The following TNS1 variants were observed in gnomAD, a reference collection of about 807,000 sequenced individuals.
TNS1 encodes tensin 1.
Under a neutral mutation model 168.6 loss-of-function variants are expected in TNS1, and 62 were observed. The observed-to-expected ratio is 0.37, with a 90% CI of 0.30 to 0.45. The LOEUF (loss-of-function observed/expected upper bound fraction) is 0.45, where lower values mean the gene tolerates loss of function less well. Among genes scored for constraint, TNS1 ranks in the 20% least tolerant of loss-of-function variants. The pLI is 1.00. For missense variants in TNS1, 2,240 were observed against 2,339.4 expected, an observed-to-expected ratio of 0.96 and a Z score of 0.88; for synonymous variants, 934 against 933.2, an observed-to-expected ratio of 1.00 and a Z score of -0.02.
chr2:217,990,519 C>T (rs538192449), intron 2 of TNS1, among the ~76,000 whole-genome samples: 1 of 152,074 alleles, frequency 6.6e-6, no homozygotes, highest in African/African-American at 2.4e-5. Flanking sequence ...CACACATCAT[C>T]CACACACCAG....
chr2:217,815,060 C>G, intron 24 of TNS1, 62 bp from the exon 25 acceptor site: 18 of 1,365,930 alleles, frequency 1.3e-5, no homozygotes, highest in Non-Finnish European at 1.9e-5. Flanking sequence ...AAACATACAT[C>G]AAAGTCCTGG....
upstream of TNS1, among the ~76,000 whole-genome samples, chr2:218,004,625 GT>G (rs2105988381): frequency 6.6e-6 from 1 of 152,352 alleles, no homozygotes; most frequent in African/African-American, 2.4e-5. Flanking sequence ...TTGTTTGGTG[GT>G]TCTGAGAAGT....
intron 2 of TNS1, among the ~76,000 whole-genome samples, chr2:217,983,749 A>G (rs2126064533): frequency 6.6e-6 from 1 of 152,312 alleles, no homozygotes; most frequent in South Asian, 2.1e-4. Flanking sequence ...TGGCCGGCAC[A>G]GAGGCACAGG....
intron 3 of TNS1, among the ~76,000 whole-genome samples, chr2:217,941,242 AC>A (rs1199982987): frequency 6.6e-6 from 1 of 152,018 alleles, no homozygotes; most frequent in Non-Finnish European, 1.5e-5. Context: ...CCCAGCACCC[AC>A]CCCCGGTCCT....
chr2:217,867,014 C>A (rs1309572243), intron 18 of TNS1, among the ~76,000 whole-genome samples: 1 of 152,218 alleles, frequency 6.6e-6, no homozygotes, highest in Non-Finnish European at 1.5e-5. Context: ...CCAAGCTCTA[C>A]CCCTACCTGG....
At chr2:218,013,673 C>T (rs1574481280), upstream of TNS1, among the ~76,000 whole-genome samples, 1 of 152,302 alleles carries the variant, frequency 6.6e-6, no homozygotes, top group East Asian at 1.9e-4. Flanking sequence ...GACCTGCCTC[C>T]AAGCCTTAGC....
intron 8 of TNS1, among the ~76,000 whole-genome samples, chr2:217,896,883 T>C (rs941279387): frequency 1.3e-5 from 2 of 152,264 alleles, no homozygotes; most frequent in African/African-American, 4.8e-5. Context: ...TAATACCTAA[T>C]ACAATATAAA....
At chr2:217,989,691 T>G (rs1382617816) in intron 2 of TNS1, among the ~76,000 whole-genome samples, 1 of 152,116 alleles carries the variant, frequency 6.6e-6, no homozygotes, top group African/African-American at 2.4e-5. Context: ...GGTCCTCCGC[T>G]GAGTCTGACT....
chr2:217,967,467 T>C (rs372402505), intron 3 of TNS1, among the ~76,000 whole-genome samples: 27 of 152,128 alleles, frequency 1.8e-4, no homozygotes, highest in African/African-American at 6.0e-4. Flanking sequence ...AGACTCAAAT[T>C]ACTCAAATCA....
At chr2:217,841,801 G>C (rs1453636755) in intron 19 of TNS1, among the ~76,000 whole-genome samples, 1 of 152,122 alleles carries the variant, frequency 6.6e-6, no homozygotes, top group Admixed American at 6.5e-5. Context: ...CTCACACCCT[G>C]GCTCCTTACC....
intron 3 of TNS1, among the ~76,000 whole-genome samples, chr2:217,960,338 C>T (rs1480363488): frequency 1.3e-5 from 2 of 152,150 alleles, no homozygotes; most frequent in African/African-American, 4.8e-5. Context: ...CTGATACTAG[C>T]CCCATCTCCT....
At chr2:217,882,137 T>C (rs904887407) in intron 17 of TNS1, 1 of 490,014 alleles carries the variant, frequency 2.0e-6, no homozygotes, top group African/African-American at 2.0e-5. Context: ...AGTGCCTCTC[T>C]GTCTGCTTTT....
At chr2:218,028,729 C>T (rs1037864135) in intron 1 of TNS1, among the ~76,000 whole-genome samples, 1 of 152,200 alleles carries the variant, frequency 6.6e-6, no homozygotes, top group Non-Finnish European at 1.5e-5. Context: ...GCTACTCAGG[C>T]TGGGAGGCAG....
chr2:217,900,153 C>T (rs1952790863), intron 7 of TNS1, among the ~76,000 whole-genome samples: 1 of 152,174 alleles, frequency 6.6e-6, no homozygotes, highest in Non-Finnish European at 1.5e-5. Flanking sequence ...TTACAAGTCA[C>T]CTCATCTCTC....
intron 31 of TNS1, among the ~76,000 whole-genome samples, chr2:217,808,338 A>T (rs1385591233): frequency 1.3e-5 from 2 of 151,866 alleles, no homozygotes; most frequent in Non-Finnish European, 2.9e-5. Flanking sequence ...TCTCCCCATC[A>T]TGGAGAGGAG....
intron 2 of TNS1, among the ~76,000 whole-genome samples, chr2:217,984,978 C>G (rs1958156799): frequency 6.6e-6 from 1 of 151,914 alleles, no homozygotes; most frequent in Non-Finnish European, 1.5e-5. Flanking sequence ...AGGCTGGTCT[C>G]AAACTCCTGA....
intron 1 of TNS1, among the ~76,000 whole-genome samples, chr2:218,000,489 C>A (rs747294619): frequency 6.6e-6 from 1 of 152,250 alleles, no homozygotes; most frequent in Non-Finnish European, 1.5e-5. Flanking sequence ...AGGCAGGAGA[C>A]TGTGGAGTGG....
chr2:218,013,620 C>T (rs951467774), upstream of TNS1, among the ~76,000 whole-genome samples: 2 of 152,122 alleles, frequency 1.3e-5, no homozygotes, highest in African/African-American at 4.8e-5. Context: ...GCTTGTCCCC[C>T]TGCTCATGTG....
chr2:217,809,612 G>T (rs1940415382), intron 30 of TNS1: 1 of 476,228 alleles, frequency 2.1e-6, no homozygotes, highest in East Asian at 3.2e-5. Flanking sequence ...TGGATGGATG[G>T]GTGCATGGAT....
Sources: gnomAD v4.1 joint callset for allele counts (sites outside exome capture counted in the v4.1 genomes callset) on GRCh38, gnomAD v4.1.1 for gene constraint, MANE v1.5 for transcripts, NCBI Gene and HGNC (gene_info 2026-07-23, HGNC 2026-07-21) for gene names.